ZC3H7B: variants seen among roughly 807,000 people sequenced by gnomAD.
ZC3H7B encodes the protein zinc finger CCCH-type containing 7B.
Under a neutral mutation model 116.0 loss-of-function variants are expected in ZC3H7B, and 35 were observed. The ratio of observed to expected loss-of-function variants is 0.30; its 90% CI spans 0.23 to 0.40. ZC3H7B has a LOEUF of 0.40. ZC3H7B is among the 10% of genes least tolerant of loss of function. ZC3H7B has a pLI of 1.00. For synonymous variants in ZC3H7B, 502 were observed against 545.6 expected (o/e 0.92, Z 1.11); for missense variants, 1,011 against 1,321.5 (o/e 0.77, Z 3.64).
intron 17 of ZC3H7B, among the ~76,000 whole-genome samples, chr22:41,352,768 T>C (rs1235460123): frequency 6.7e-6 from 1 of 149,376 alleles, no homozygotes; most frequent in African/African-American, 2.5e-5. Context: ...TCTCAAAAAA[T>C]AAATAAATAA....
At chr22:41,314,955 A>T (rs1409450725) in intron 1 of ZC3H7B, among the ~76,000 whole-genome samples, 1 of 86,466 alleles carries the variant, frequency 1.2e-5, no homozygotes, top group Non-Finnish European at 2.9e-5. Context: ...GTCTCCAAAA[A>T]AAATAAATAA....
intron 1 of ZC3H7B, among the ~76,000 whole-genome samples, chr22:41,307,222 C>T (rs1408727752): frequency 2.0e-5 from 3 of 152,090 alleles, no homozygotes; most frequent in Non-Finnish European, 2.9e-5. Flanking sequence ...GTGATCCACC[C>T]GCCTTGGCCT....
chr22:41,335,226 A>G (rs2036428075), intron 7 of ZC3H7B: 1 of 152,180 alleles, frequency 6.6e-6, no homozygotes, highest in South Asian at 2.1e-4. Context: ...CTCCTTATCT[A>G]CGCAGGCCAC....
At chr22:41,354,839 C>A (rs945441800) in intron 17 of ZC3H7B, among the ~76,000 whole-genome samples, 4 of 152,122 alleles carry the variant, frequency 2.6e-5, no homozygotes, top group Admixed American at 6.5e-5. Context: ...AAGGCCTTGC[C>A]CTGGAGGGAG....
At chr22:41,344,788 C>G (rs998565265) in intron 13 of ZC3H7B, among the ~76,000 whole-genome samples, 5 of 152,128 alleles carry the variant, frequency 3.3e-5, no homozygotes, top group Non-Finnish European at 7.4e-5. Context: ...GATGGCCCAG[C>G]CCCCAGAAAT....
At position 41,349,931 on chromosome 22, in the gene ZC3H7B, G is replaced by A. The variant is rs1319775741; in HGVS notation, c.1948+630G>A. 6.6e-6 allele frequency among the ~76,000 whole-genome samples: 1 copy of A among 152,200 alleles called. No homozygotes were observed. The highest frequency in any genetic ancestry group is 1.5e-5 in the Non-Finnish European group (1 of 68,042). ...CCTACTGCCTGTCATCATTTAATTA[G>A]CAGCATTTTGTGGGGCGGGGATTTA... is the stretch of plus-strand genomic sequence containing the variant. On this transcript the variant is annotated intron_variant, in intron 16 of 22. Transcript: ENST00000352645. This position sits in a 1 kb window ranked among gnomAD's most constrained non-coding sequence, Gnocchi z 4.9.
chr22:41,313,310 G>A (rs1224763094), intron 1 of ZC3H7B, among the ~76,000 whole-genome samples: 1 of 151,958 alleles, frequency 6.6e-6, no homozygotes, highest in Non-Finnish European at 1.5e-5. Context: ...TAGTAGAGAT[G>A]GGGTTTCACC....
chr22:41,352,719 G>A (rs773928354), intron 17 of ZC3H7B, among the ~76,000 whole-genome samples: 4 of 151,802 alleles, frequency 2.6e-5, no homozygotes, highest in Non-Finnish European at 4.4e-5. Context: ...CTGAGATCAC[G>A]CTGTTGCACT....
intron 1 of ZC3H7B, among the ~76,000 whole-genome samples, chr22:41,313,135 T>G (rs1601763592): frequency 6.6e-6 from 1 of 152,088 alleles, no homozygotes; most frequent in Non-Finnish European, 1.5e-5. Flanking sequence ...TTTTTTTTTT[T>G]TGAGACGGAG....
chr22:41,307,252 G>C (rs2036055861), intron 1 of ZC3H7B, among the ~76,000 whole-genome samples: 1 of 152,130 alleles, frequency 6.6e-6, no homozygotes, highest in South Asian at 2.1e-4. Flanking sequence ...TGGGATTATA[G>C]GCATGAGCCC....
intron 17 of ZC3H7B, among the ~76,000 whole-genome samples, chr22:41,352,810 G>A (rs1276558890): frequency 6.6e-6 from 1 of 152,106 alleles, no homozygotes; most frequent in Non-Finnish European, 1.5e-5. Flanking sequence ...TGGCGTGGTG[G>A]CTGACGCCTG....
chr22:41,310,137 G>A (rs1429863662), intron 1 of ZC3H7B, among the ~76,000 whole-genome samples: 1 of 152,124 alleles, frequency 6.6e-6, no homozygotes, highest in East Asian at 1.9e-4. Context: ...CCCGGGAGGC[G>A]GAGCTTACAG....
intron 1 of ZC3H7B, among the ~76,000 whole-genome samples, chr22:41,319,257 T>C (rs893884249): frequency 4.0e-5 from 6 of 151,826 alleles, no homozygotes; most frequent in Admixed American, 1.3e-4. Context: ...AAAAATTAGC[T>C]AGGCATGGTG....
Position 41,340,283 on chromosome 22 carries a change from C to T in ZC3H7B, c.1138+146C>T, listed in dbSNP as rs948022042. 24 of 916,784 alleles carry T rather than the reference C, an allele frequency of 2.6e-5. No individual in the cohort carries two copies. The East Asian group carries it at 4.2e-4, about 16-fold the overall frequency. 56.8% of individuals were successfully genotyped at this position (916,784 alleles called of 1,614,324 possible). A position where few individuals can be genotyped will look rare whatever the true frequency, so the allele number is the denominator to read the frequency against. ...ATCCCAGGCCATGTCTGTGTGTTGC[C>T]GTCTCTGCAGTGCTCAGCACAGTGT... On this transcript the variant is annotated intron_variant, in intron 10 of 22. Transcript: ENST00000352645.
intron 1 of ZC3H7B, among the ~76,000 whole-genome samples, chr22:41,315,727 C>G (rs548260106): frequency 6.6e-6 from 1 of 152,186 alleles, no homozygotes; most frequent in African/African-American, 2.4e-5. Context: ...AGGGAGGAAA[C>G]AGAGGAAGAG....
At chr22:41,308,347 G>T (rs2036073156) in intron 1 of ZC3H7B, among the ~76,000 whole-genome samples, 2 of 152,096 alleles carry the variant, frequency 1.3e-5, no homozygotes, top group Non-Finnish European at 2.9e-5. Flanking sequence ...GGAACGCAGG[G>T]CAGGGAGCCC....
chr22:41,302,548 G>T lies in ZC3H7B; in HGVS notation c.-7+776G>T, dbSNP rs1313351703. ...ACGGGGGCGCCCTGACGGGGCTGGG[G>T]GCCTGGGAGCCGCCGACTCCGGCCT... On this transcript the variant is annotated intron_variant, in intron 1 of 22. Transcript: ENST00000352645. The surrounding 1 kb of genome is among the most constrained non-coding windows in gnomAD (Gnocchi z 5.7). Among the ~76,000 whole-genome samples, 1 of 152,072 alleles carries T rather than the reference G, an allele frequency of 6.6e-6. No homozygotes were observed. The highest frequency in any genetic ancestry group is 6.5e-5 in the Admixed American group (1 of 15,276).
intron 1 of ZC3H7B, among the ~76,000 whole-genome samples, chr22:41,305,009 C>T (rs1311236411): frequency 6.6e-6 from 1 of 152,044 alleles, no homozygotes; most frequent in Non-Finnish European, 1.5e-5. Context: ...GTCACGAGTT[C>T]GAGACCAGAC....
chr22:41,313,276 G>A (rs1424522530), intron 1 of ZC3H7B, among the ~76,000 whole-genome samples: 2 of 151,978 alleles, frequency 1.3e-5, no homozygotes, highest in African/African-American at 2.4e-5. Flanking sequence ...CCGCCACCAC[G>A]CCAGGCTAAT....
Sources: gnomAD v4.1 joint callset for allele counts (sites outside exome capture counted in the v4.1 genomes callset) on GRCh38, gnomAD v4.1.1 for gene constraint, Gnocchi (gnomAD v3.1) non-coding constraint, MANE v1.5 for transcripts, NCBI Gene and HGNC (gene_info 2026-07-23, HGNC 2026-07-21) for gene names.